METTL21A: variants seen among roughly 807,000 people sequenced by gnomAD.
The protein encoded by METTL21A is protein N-lysine methyltransferase METTL21A.
A neutral mutation model predicts 20.9 loss-of-function variants in METTL21A; 22 were observed. The ratio of observed to expected loss-of-function variants is 1.05; its 90% CI spans 0.75 to 1.50. The LOEUF is 1.50. Ranked by LOEUF, METTL21A falls within the 40% of genes most tolerant of loss-of-function variation. The pLI is 0.00. For synonymous variants in METTL21A, 93 were observed against 102.0 expected, an observed-to-expected ratio of 0.91 and a Z score of 0.53; for missense variants, 271 against 266.8, an observed-to-expected ratio of 1.02 and a Z score of -0.11.
rs543139683 is a variant in METTL21A at position 207,612,997 on chromosome 2, G to A, written c.*49C>T. ...AAATATGGTTAGATTTGCAGTCTAAGACCTTAAGTGACACACTCAATGACA... is the reference window on the plus strand; with the variant it reads ...AAATATGGTTAGATTTGCAGTCTAAAACCTTAAGTGACACACTCAATGACA... On this transcript the variant is annotated 3_prime_UTR_variant, in exon 4 of 4. Transcript: ENST00000406927. The A allele has an allele frequency of 3.7e-5, 55 of 1,495,340 alleles. 1 individual carries two copies. The South Asian group carries it at 7.3e-4, about 20-fold the overall frequency. The allele number at this position is 1,495,340 out of a possible 1,614,324, so 92.6% of individuals were successfully genotyped here. A position where few individuals can be genotyped will look rare whatever the true frequency, so the allele number is the denominator to read the frequency against.
chr2:207,597,854 TTTAG>T (rs1417858266), intron 3 of METTL21A: 1 of 192,088 alleles, frequency 5.2e-6, no homozygotes, highest in Non-Finnish European at 1.1e-5. Flanking sequence ...CAAAGCATAT[TTTAG>T]TTAGTACTAA....
intron 1 of METTL21A, 184 bp from the exon 2 acceptor site, chr2:207,624,588 T>C: frequency 2.0e-6 from 1 of 509,686 alleles, no homozygotes; most frequent in Non-Finnish European, 3.3e-6. Flanking sequence ...TGGCTCGGAA[T>C]TTGTGTCAAC....
downstream of METTL21A, chr2:207,581,067 T>C (rs1362926749): frequency 4.7e-6 from 1 of 213,884 alleles, no homozygotes; most frequent in South Asian, 1.9e-4. Flanking sequence ...TATGTAACTT[T>C]ACATTGTAGG....
In METTL21A at chr2:207,613,079, T is replaced by G. The variant is rs1305660165; in HGVS notation, c.624A>C (p.Glu208Asp). Residue 208 changes from glutamate (E) to aspartate (D), a missense_variant, in exon 4 of 4, where the codon GAA becomes GAC. Glu to Asp is a conservative substitution (Grantham distance 45, BLOSUM62 2). Coordinates refer to ENST00000406927, the Ensembl canonical transcript of METTL21A. The stretch of plus-strand genomic sequence containing the variant: ...CCTCCTTCTGGTTTCTCTTCTGTGC[T>G]TCGTAAATATGTACATCTTTTTCAG... The G allele has an allele frequency of 1.3e-6, 2 of 1,583,270 alleles. No individual in the cohort carries two copies. Among genetic ancestry groups the G allele is most frequent in the African/African-American group, 2.7e-5 (2 of 73,554 alleles).
At chr2:207,620,549 A>G in intron 3 of METTL21A, 2 of 965,058 alleles carry the variant, frequency 2.1e-6, no homozygotes, top group African/African-American at 1.7e-5. Context: ...AGGACTTCAG[A>G]AAGTAGCTTC....
chr2:207,601,455 T>C (rs1384723188), intron 3 of METTL21A: 1 of 191,406 alleles, frequency 5.2e-6, no homozygotes, highest in Admixed American at 6.1e-5. Context: ...AAATTAGATA[T>C]GACTAGCCCA....
downstream of METTL21A, among the ~76,000 whole-genome samples, chr2:207,606,871 GTAT>G (rs759725413): frequency 2.1e-4 from 32 of 152,038 alleles, no homozygotes; most frequent in Non-Finnish European, 4.1e-4. Flanking sequence ...CAATTAAATG[GTAT>G]TATTATTGGA....
intron 3 of METTL21A, chr2:207,620,862 G>T: frequency 3.6e-6 from 2 of 560,906 alleles, no homozygotes; most frequent in Non-Finnish European, 6.2e-6. Context: ...AGGGGCTTTA[G>T]CTGGTCCTCA....
intron 3 of METTL21A, among the ~76,000 whole-genome samples, chr2:207,594,453 C>T (rs547566894): frequency 5.9e-5 from 9 of 152,262 alleles, no homozygotes; most frequent in East Asian, 1.9e-4. Context: ...ACTTTAGATG[C>T]CTCATAAGAG....
At chr2:207,605,202 C>T (rs1274997539), downstream of METTL21A, among the ~76,000 whole-genome samples, 1 of 152,136 alleles carries the variant, frequency 6.6e-6, no homozygotes, top group Non-Finnish European at 1.5e-5. Flanking sequence ...ATGAGGGTTC[C>T]AATTTCTCCA....
intron 3 of METTL21A, among the ~76,000 whole-genome samples, chr2:207,621,228 A>C (rs888608413): frequency 6.6e-6 from 1 of 152,264 alleles, no homozygotes; most frequent in Non-Finnish European, 1.5e-5. Flanking sequence ...AGCCTCAATT[A>C]ATGTGTGTAT....
intron 3 of METTL21A, among the ~76,000 whole-genome samples, chr2:207,590,083 G>GTTTTTTTTTTTTTTTTTTTTTTTTT (rs59126515): frequency 1.3e-5 from 1 of 76,148 alleles, no homozygotes; most frequent in East Asian, 4.5e-4. Context: ...ATTTTGAGAA[G>GTTTTTTTTTTTTTTTTTTTTTTTTT]TTTTTTTTTT....
chr2:207,601,050 C>T lies in METTL21A; in HGVS notation c.260-18890G>A, dbSNP rs1307842892. 20 of 190,412 alleles carry T rather than the reference C, an allele frequency of 1.1e-4. No homozygotes were observed. The Admixed American group carries it at 1.2e-3, about 12-fold the overall frequency. The allele number at this position is 190,412 out of a possible 1,614,324, so 11.8% of individuals were successfully genotyped here. ...GCAGGATTAAGTAGGGCTAATGTAT[C>T]TTAAAGTTAAGATCTTGAATTAAAG... is the stretch of plus-strand genomic sequence containing the variant. On this transcript the variant is annotated intron_variant, in intron 3 of 3. Transcript: ENST00000425132.
At chr2:207,624,317 G>C (rs964569523) in exon 2 of METTL21A, 3 of 1,614,032 alleles carry the variant, frequency 1.9e-6, no homozygotes, top group Non-Finnish European at 2.5e-6. Flanking sequence ...AGTTGCAAGA[G>C]GCTTGTGGAA....
chr2:207,601,912 T>G (rs2106636874), intron 3 of METTL21A: 1 of 212,776 alleles, frequency 4.7e-6, no homozygotes, highest in East Asian at 7.0e-5. Flanking sequence ...TGTTGACTAT[T>G]AAGTTGGCTA....
intron 3 of METTL21A, chr2:207,597,922 T>G (rs2086436272): frequency 5.4e-6 from 1 of 185,940 alleles, no homozygotes; most frequent in Non-Finnish European, 1.1e-5. Context: ...TATAACAAGA[T>G]TTTTAAATAA....
At chr2:207,597,166 C>A in intron 3 of METTL21A, 1 of 1,222,942 alleles carries the variant, frequency 8.2e-7, no homozygotes, top group Non-Finnish European at 1.1e-6. Flanking sequence ...TTTTTCTATG[C>A]GCAAAACTGC....
chr2:207,616,263 C>T (rs1011466052), intron 3 of METTL21A, among the ~76,000 whole-genome samples: 3 of 152,152 alleles, frequency 2.0e-5, no homozygotes, highest in African/African-American at 7.2e-5. Context: ...GTACACAGAG[C>T]ACTCTGCAGG....
chr2:207,618,313 G>GC (rs2090042130), intron 3 of METTL21A, among the ~76,000 whole-genome samples: 1 of 152,162 alleles, frequency 6.6e-6, no homozygotes, highest in Admixed American at 6.5e-5. Context: ...CCCAGTGGAT[G>GC]CCTGAAACCA....
Sources: allele counts gnomAD v4.1 joint callset (sites outside exome capture counted in the v4.1 genomes callset), GRCh38; gene constraint gnomAD v4.1.1; transcripts MANE v1.5; gene names NCBI Gene and HGNC (gene_info 2026-07-23, HGNC 2026-07-21).